Variants in NXPH1 observed in about 807,000 individuals in gnomAD.
NXPH1 encodes neurexophilin-1.
NXPH1 carries 5 observed loss-of-function variants against 23.7 expected under a neutral mutation model. That is an observed-to-expected ratio of 0.21 (90% CI 0.11 to 0.44). The LOEUF is 0.44. Ranked by LOEUF, NXPH1 falls within the 20% of genes least tolerant of loss-of-function variation. The probability of loss-of-function intolerance (pLI) is 0.99; values close to 1 mark genes in which losing one functional copy is unlikely to be tolerated. For synonymous variants in NXPH1, 144 were observed against 122.2 expected, an observed-to-expected ratio of 1.18 and a Z score of -1.18; for missense variants, 324 against 321.6, an observed-to-expected ratio of 1.01 and a Z score of -0.06.
At chr7:8,625,191 A>G (rs577958759) in intron 2 of NXPH1, among the ~76,000 whole-genome samples, 2 of 152,300 alleles carry the variant, frequency 1.3e-5, no homozygotes, top group East Asian at 3.9e-4. Flanking sequence ...GGAATGGTCA[A>G]TAGATACATC....
Position 8,696,015 on chromosome 7 carries a change from A to C in NXPH1, c.55-54993A>C, listed in dbSNP as rs146763356. Among the ~76,000 whole-genome samples the C allele has an allele frequency of 9.3e-3, 1,424 of 152,342 alleles. 13 individuals carry two copies. The highest frequency in any genetic ancestry group is 0.032 in the African/African-American group (1,329 of 41,564). The stretch of plus-strand genomic sequence containing the variant: ...AGTCTGAAGTAACTTCTAATAGCAT[A>C]AAGTTTCAAGTTTTGTTTCATATTA... On this transcript the variant is annotated intron_variant, in intron 2 of 2. Coordinates refer to ENST00000405863, the MANE Select transcript of NXPH1 (RefSeq NM_152745.3).
At chr7:8,624,086 G>T (rs1819938376) in intron 2 of NXPH1, among the ~76,000 whole-genome samples, 1 of 152,150 alleles carries the variant, frequency 6.6e-6, no homozygotes, top group Non-Finnish European at 1.5e-5. Flanking sequence ...GGAGCCTAAA[G>T]GAGAAGCAGT....
chr7:8,456,145 C>T (rs1312089352), intron 2 of NXPH1, among the ~76,000 whole-genome samples: 1 of 152,116 alleles, frequency 6.6e-6, no homozygotes, highest in Non-Finnish European at 1.5e-5. Context: ...TGATGATTTC[C>T]ATTTTGCCCA....
chr7:8,449,086 T>C (rs1240335890), intron 2 of NXPH1, among the ~76,000 whole-genome samples: 3 of 152,254 alleles, frequency 2.0e-5, no homozygotes, highest in Non-Finnish European at 4.4e-5. Flanking sequence ...TCAAAACTTA[T>C]AATAGCCTAC....
At chr7:8,557,810 G>A (rs1818384673) in intron 2 of NXPH1, among the ~76,000 whole-genome samples, 1 of 151,664 alleles carries the variant, frequency 6.6e-6, no homozygotes, top group South Asian at 2.1e-4. Context: ...TCAGTAGAAT[G>A]CTGGACCCAT....
At chr7:8,520,283 T>A (rs75063030) in intron 2 of NXPH1, among the ~76,000 whole-genome samples, 4,277 of 152,292 alleles carry the variant, frequency 0.028, 110 homozygotes, top group Non-Finnish European at 0.044. Flanking sequence ...TGTCTGACTT[T>A]TTCAGACAAT....
chr7:8,707,520 A>G (rs1779723271), intron 2 of NXPH1, among the ~76,000 whole-genome samples: 1 of 152,140 alleles, frequency 6.6e-6, no homozygotes. Flanking sequence ...AGTATGTATT[A>G]ATGAGTGAAT....
chr7:8,519,695 G>T (rs981670681), intron 2 of NXPH1, among the ~76,000 whole-genome samples: 2 of 151,790 alleles, frequency 1.3e-5, no homozygotes, highest in Admixed American at 6.6e-5. Flanking sequence ...TTACCTTTCC[G>T]TATGCGTGTG....
At chr7:8,639,512 G>C (rs914517749) in intron 2 of NXPH1, among the ~76,000 whole-genome samples, 39 of 151,808 alleles carry the variant, frequency 2.6e-4, no homozygotes, top group African/African-American at 9.2e-4. Flanking sequence ...TTGCCGATTT[G>C]TTGGCTGAAA....
rs114895838 is a variant in NXPH1 at position 8,582,125 on chromosome 7, C to T, written c.54+146358C>T. ...ACAGGCTGTTGCTGGATCAGATGTA[C>T]TGCACGCAGCTTCCACTGTGGGCAC... On this transcript the variant is annotated intron_variant, in intron 2 of 2. Transcript: ENST00000405863. Among the ~76,000 whole-genome samples, 604 of 152,324 alleles carry T rather than the reference C, an allele frequency of 4.0e-3. 11 individuals are homozygous for T. Among genetic ancestry groups the T allele is most frequent in the African/African-American group, 0.014 (572 of 41,584 alleles).
At chr7:8,658,413 G>C (rs1337612399) in intron 2 of NXPH1, among the ~76,000 whole-genome samples, 1 of 152,078 alleles carries the variant, frequency 6.6e-6, no homozygotes, top group Admixed American at 6.5e-5. Flanking sequence ...AGTTTCCCTT[G>C]GTTCACAACT....
At chr7:8,649,221 C>T (rs551784751) in intron 2 of NXPH1, among the ~76,000 whole-genome samples, 1 of 152,234 alleles carries the variant, frequency 6.6e-6, no homozygotes, top group South Asian at 2.1e-4. Context: ...AGTCCATTTA[C>T]ATTCATTGTG....
intron 2 of NXPH1, among the ~76,000 whole-genome samples, chr7:8,619,435 G>A: frequency 6.6e-6 from 1 of 152,074 alleles, no homozygotes; most frequent in Non-Finnish European, 1.5e-5. Flanking sequence ...GTCTTATTTT[G>A]TTTATGTTTG....
At chr7:8,748,680 CT>C (rs1562474007) in intron 2 of NXPH1, among the ~76,000 whole-genome samples, 2 of 152,188 alleles carry the variant, frequency 1.3e-5, no homozygotes, top group Non-Finnish European at 2.9e-5. Flanking sequence ...TGCAACTGTA[CT>C]CGAGCTAGCA....
intron 2 of NXPH1, among the ~76,000 whole-genome samples, chr7:8,573,298 C>T (rs368702117): frequency 6.6e-6 from 1 of 152,026 alleles, no homozygotes; most frequent in Non-Finnish European, 1.5e-5. Context: ...GGTTTTTAAG[C>T]AACTGTTTTA....
At position 8,537,141 on chromosome 7, in the gene NXPH1, T is replaced by A. The variant is rs146789385; in HGVS notation, c.54+101374T>A. 3.8e-3 allele frequency among the ~76,000 whole-genome samples: 577 copies of A among 152,070 alleles called. 2 individuals are homozygous for A. Among genetic ancestry groups the A allele is most frequent in the Admixed American group, 6.0e-3 (91 of 15,244 alleles). On this transcript the variant is annotated intron_variant, in intron 2 of 2. Coordinates refer to ENST00000405863, the MANE Select transcript of NXPH1 (RefSeq NM_152745.3). Reference sequence around the variant, plus strand: ...TGTATTCCCTCTTGTACTCCTTATTTCTGGAGTCTCTCAATTACCTGGACG... The same window carrying A: ...TGTATTCCCTCTTGTACTCCTTATTACTGGAGTCTCTCAATTACCTGGACG...
chr7:8,624,580 G>A (rs1819947849), intron 2 of NXPH1, among the ~76,000 whole-genome samples: 1 of 152,128 alleles, frequency 6.6e-6, no homozygotes, highest in Non-Finnish European at 1.5e-5. Flanking sequence ...ATAGTGTCAT[G>A]TGGAGAAGTG....
intron 2 of NXPH1, among the ~76,000 whole-genome samples, chr7:8,619,193 G>A (rs148173330): frequency 1.4e-3 from 208 of 152,076 alleles, no homozygotes; most frequent in African/African-American, 4.1e-3. Flanking sequence ...TTGAGGTGGC[G>A]TGCATTTTGA....
chr7:8,513,211 G>A lies in NXPH1; in HGVS notation c.54+77444G>A, dbSNP rs953485081. On this transcript the variant is annotated intron_variant, in intron 2 of 2. Coordinates refer to ENST00000405863, the MANE Select transcript of NXPH1 (RefSeq NM_152745.3). ...ACATGGAATAGGAATTTTACAGGTGGATGAGGATGCAAAAGGAACAGTCCA... is the reference window on the plus strand; with the variant it reads ...ACATGGAATAGGAATTTTACAGGTGAATGAGGATGCAAAAGGAACAGTCCA... Among the ~76,000 whole-genome samples the A allele has an allele frequency of 3.3e-5, 5 of 152,202 alleles. No homozygotes were observed. The South Asian group carries it at 1.0e-3, about 32-fold the overall frequency.
Sources: allele counts gnomAD v4.1 joint callset (sites outside exome capture counted in the v4.1 genomes callset), GRCh38; gene constraint gnomAD v4.1.1; transcripts MANE v1.5; gene names NCBI Gene and HGNC (gene_info 2026-07-23, HGNC 2026-07-21).